The following CCNY variants were observed in gnomAD, a reference collection of about 807,000 sequenced individuals.
The protein encoded by CCNY is cyclin-Y.
A neutral mutation model predicts 42.8 loss-of-function variants in CCNY; 19 were observed. The ratio of observed to expected loss-of-function variants is 0.44; its 90% CI spans 0.31 to 0.65. The LOEUF is 0.65. Ranked by LOEUF, CCNY falls within the 30% of genes least tolerant of loss-of-function variation. CCNY has a pLI of 0.07. For synonymous variants in CCNY, 165 were observed against 162.7 expected, an observed-to-expected ratio of 1.01 and a Z score of -0.11; for missense variants, 370 against 437.3, an observed-to-expected ratio of 0.85 and a Z score of 1.37.
At chr10:35,423,726 T>A (rs1238277645) in intron 1 of CCNY, among the ~76,000 whole-genome samples, 1 of 152,174 alleles carries the variant, frequency 6.6e-6, no homozygotes, top group Non-Finnish European at 1.5e-5. Context: ...AGTCCTGGGT[T>A]GCTGGCTATG....
intron 2 of CCNY, among the ~76,000 whole-genome samples, chr10:35,486,282 T>C (rs536484963): frequency 1.1e-4 from 17 of 152,320 alleles, no homozygotes; most frequent in African/African-American, 1.7e-4. Flanking sequence ...ATAGCCATAA[T>C]CAGAGTATTT....
chr10:35,503,239 G>A (rs1016727231), intron 3 of CCNY, among the ~76,000 whole-genome samples: 11 of 152,112 alleles, frequency 7.2e-5, no homozygotes, highest in Admixed American at 5.9e-4. Context: ...ATCTTCTAAC[G>A]CCCAGCCCAG....
intron 1 of CCNY, among the ~76,000 whole-genome samples, chr10:35,473,683 G>C (rs1036278524): frequency 6.6e-6 from 1 of 152,184 alleles, no homozygotes; most frequent in Non-Finnish European, 1.5e-5. Flanking sequence ...TAGCAGTGAA[G>C]TGTATTTTGT....
chr10:35,334,747 T>C (rs1835990205), upstream of CCNY, among the ~76,000 whole-genome samples: 1 of 152,214 alleles, frequency 6.6e-6, no homozygotes, highest in Admixed American at 6.5e-5. Flanking sequence ...GACTAATAAA[T>C]GTATAAACAG....
At chr10:35,503,841 T>G (rs1840160956) in intron 3 of CCNY, among the ~76,000 whole-genome samples, 1 of 152,242 alleles carries the variant, frequency 6.6e-6, no homozygotes, top group South Asian at 2.1e-4. Context: ...GCTCGCACCC[T>G]CTGTGTTCCT....
intron 1 of CCNY, among the ~76,000 whole-genome samples, chr10:35,477,056 G>C (rs950996970): frequency 6.6e-6 from 1 of 151,944 alleles, no homozygotes; most frequent in African/African-American, 2.4e-5. Flanking sequence ...ATAAATTCCT[G>C]GACACATAGA....
intron 7 of CCNY, among the ~76,000 whole-genome samples, chr10:35,532,454 C>T (rs1840788585): frequency 6.6e-6 from 1 of 152,228 alleles, no homozygotes; most frequent in South Asian, 2.1e-4. Context: ...AGCCTACAGG[C>T]CCTTCAAACA....
chr10:35,439,532 C>T (rs1838618377), intron 1 of CCNY, among the ~76,000 whole-genome samples: 1 of 151,816 alleles, frequency 6.6e-6, no homozygotes, highest in Admixed American at 6.6e-5. Flanking sequence ...CTCTCTCTCT[C>T]TCTTTTTTTT....
chr10:35,282,181 G>A (rs1232177950), intron 3 of CCNY, among the ~76,000 whole-genome samples: 1 of 146,760 alleles, frequency 6.8e-6, no homozygotes, highest in East Asian at 2.0e-4. Flanking sequence ...GAATGCAGTG[G>A]TGCAATCATA....
intron 3 of CCNY, among the ~76,000 whole-genome samples, chr10:35,284,520 TG>T (rs925070058): frequency 2.0e-5 from 3 of 152,186 alleles, no homozygotes; most frequent in African/African-American, 7.2e-5. Flanking sequence ...TTATCTTTTT[TG>T]TCAGTCTTTC....
chr10:35,282,114 CTTTTT>C (rs3066487), intron 3 of CCNY, among the ~76,000 whole-genome samples: 5 of 87,880 alleles, frequency 5.7e-5, no homozygotes, highest in Admixed American at 1.4e-4. Context: ...CATCTACACC[CTTTTT>C]TTTTTTTTTT....
chr10:35,505,338 T>C (rs1192420331), intron 3 of CCNY, among the ~76,000 whole-genome samples: 1 of 152,120 alleles, frequency 6.6e-6, no homozygotes, highest in Non-Finnish European at 1.5e-5. Context: ...TTCCTTTGTC[T>C]TGTTTGCCAT....
At chr10:35,463,612 A>G (rs1564420989) in intron 1 of CCNY, among the ~76,000 whole-genome samples, 1 of 152,234 alleles carries the variant, frequency 6.6e-6, no homozygotes, top group Non-Finnish European at 1.5e-5. Context: ...GACATCATAT[A>G]CCAACACTTT....
intron 1 of CCNY, among the ~76,000 whole-genome samples, chr10:35,386,348 C>A (rs566421552): frequency 1.3e-5 from 2 of 152,270 alleles, no homozygotes; most frequent in South Asian, 4.1e-4. Flanking sequence ...TCTCATCCTG[C>A]AGGTCTCTCT....
intron 3 of CCNY, among the ~76,000 whole-genome samples, chr10:35,502,467 A>G (rs575066433): frequency 6.6e-6 from 1 of 152,314 alleles, no homozygotes; most frequent in South Asian, 2.1e-4. Context: ...CTGCCCTTTG[A>G]AAATATGGAC....
chr10:35,337,337 G>GCGCAGCCTAGGCGCCCGGGGCCC, intron 1 of CCNY, 130 bp downstream of exon 1: 1 of 979,640 alleles, frequency 1.0e-6, no homozygotes, highest in East Asian at 3.3e-5. Context: ...GGCTTCGCCC[G>GCGCAGCCTAGGCGCCCGGGGCCC]CGCAGCCTAG....
chr10:35,495,821 G>A (rs747249471), intron 2 of CCNY, among the ~76,000 whole-genome samples: 18 of 152,146 alleles, frequency 1.2e-4, no homozygotes, highest in Non-Finnish European at 1.8e-4. Context: ...CCCTGTCAGG[G>A]CAGGAGCTCA....
At chr10:35,340,832 TC>T (rs1836163580) in intron 1 of CCNY, among the ~76,000 whole-genome samples, 1 of 152,186 alleles carries the variant, frequency 6.6e-6, no homozygotes, top group Non-Finnish European at 1.5e-5. Context: ...AGTTTACCTG[TC>T]ATCCTTGACA....
intron 3 of CCNY, among the ~76,000 whole-genome samples, chr10:35,253,471 T>C (rs1350586515): frequency 3.1e-5 from 4 of 130,986 alleles, no homozygotes; most frequent in Non-Finnish European, 6.2e-5. Flanking sequence ...GTGGGGGGAG[T>C]CTCTCTTTGT....
Sources: gnomAD v4.1 joint callset for allele counts (sites outside exome capture counted in the v4.1 genomes callset) on GRCh38, gnomAD v4.1.1 for gene constraint, MANE v1.5 for transcripts, NCBI Gene and HGNC (gene_info 2026-07-23, HGNC 2026-07-21) for gene names.